HNF4G: variants seen among roughly 807,000 people sequenced by gnomAD.
The protein encoded by HNF4G is hepatocyte nuclear factor 4 gamma.
Under a neutral mutation model 50.9 loss-of-function variants are expected in HNF4G, and 21 were observed. That is an observed-to-expected ratio of 0.41 (90% CI 0.29 to 0.59). The LOEUF is 0.59. Among genes scored for constraint, HNF4G ranks in the 20% least tolerant of loss-of-function variants. The pLI, the probability that HNF4G is intolerant of heterozygous loss-of-function variation, is 0.26. For synonymous variants in HNF4G, 198 were observed against 185.6 expected (o/e 1.07, Z -0.54); for missense variants, 527 against 559.4 (o/e 0.94, Z 0.58).
intron 1 of HNF4G, among the ~76,000 whole-genome samples, chr8:75,429,487 TG>T (rs1810958372): frequency 1.3e-5 from 2 of 152,204 alleles, no homozygotes; most frequent in Admixed American, 6.5e-5. Flanking sequence ...TAGGAATCTC[TG>T]GATTTCTTTC....
At chr8:75,516,597 T>C (rs1805894382) in intron 2 of HNF4G, among the ~76,000 whole-genome samples, 1 of 152,182 alleles carries the variant, frequency 6.6e-6, no homozygotes, top group African/African-American at 2.4e-5. Context: ...TTGATTGTGT[T>C]GGTCATCTAC....
intron 2 of HNF4G, among the ~76,000 whole-genome samples, chr8:75,526,529 TTTCTTC>T (rs377394041): frequency 6.6e-6 from 1 of 151,568 alleles, no homozygotes; most frequent in Non-Finnish European, 1.5e-5. Flanking sequence ...TCCTTTCTCC[TTTCTTC>T]TTCTTCTTCT....
intron 2 of HNF4G, among the ~76,000 whole-genome samples, chr8:75,514,630 T>A (rs909115130): frequency 3.7e-4 from 56 of 152,044 alleles, no homozygotes; most frequent in African/African-American, 1.2e-3. Context: ...AGATTACAGG[T>A]GTGAGCCACT....
intron 1 of HNF4G, among the ~76,000 whole-genome samples, chr8:75,424,064 G>A (rs12676458): frequency 1.3e-4 from 19 of 151,504 alleles, no homozygotes; most frequent in South Asian, 8.3e-4. Context: ...CTCGTGATCC[G>A]CCTGCCTCGG....
chr8:75,492,513 A>G (rs1812655746), intron 2 of HNF4G, among the ~76,000 whole-genome samples: 1 of 152,210 alleles, frequency 6.6e-6, no homozygotes, highest in African/African-American at 2.4e-5. Flanking sequence ...CACATTTCAC[A>G]TATGTGTCCC....
intron 1 of HNF4G, among the ~76,000 whole-genome samples, chr8:75,424,056 C>G (rs1030003832): frequency 6.6e-6 from 1 of 151,632 alleles, no homozygotes; most frequent in East Asian, 2.0e-4. Flanking sequence ...CTCTTGACCT[C>G]GTGATCCGCC....
chr8:75,439,720 A>G (rs1296106458), intron 1 of HNF4G, among the ~76,000 whole-genome samples: 2 of 152,014 alleles, frequency 1.3e-5, no homozygotes, highest in Non-Finnish European at 2.9e-5. Flanking sequence ...AACTTCAAAC[A>G]TTCTCTACTG....
At chr8:75,429,728 T>G (rs1169232398) in intron 1 of HNF4G, among the ~76,000 whole-genome samples, 2 of 152,084 alleles carry the variant, frequency 1.3e-5, no homozygotes, top group Non-Finnish European at 2.9e-5. Context: ...GGTCCAAAAG[T>G]CTGAGTTGAA....
rs1452650375 is a variant in HNF4G, at chr8:75,560,448, G to C, written c.1228G>C (p.Val410Leu). The C allele has an allele frequency of 6.2e-7, 1 of 1,612,850 alleles. No homozygotes were observed. Among genetic ancestry groups the C allele is most frequent in the Non-Finnish European group, 8.5e-7 (1 of 1,179,304 alleles). The change falls in exon 9 of 10, where the codon GTT (valine) becomes CTT (leucine). Residue 410 changes from valine (V) to leucine (L), a missense_variant. By Grantham distance (32) the Val-to-Leu change is conservative (BLOSUM62 1). Coordinates refer to ENST00000396423, the MANE Select transcript of HNF4G (RefSeq NM_004133.5). Reference sequence around the variant, plus strand: ...ACTTTTAGGTCCCATGTCAACACTGGTTCATGCAGACCAGATCTGTAAGTT... The same window carrying C: ...ACTTTTAGGTCCCATGTCAACACTGCTTCATGCAGACCAGATCTGTAAGTT... ...TILLGPMSTL[V>L]HADQISTPET...
intron 2 of HNF4G, among the ~76,000 whole-genome samples, chr8:75,494,148 A>T (rs1344457362): frequency 6.6e-6 from 1 of 152,280 alleles, no homozygotes; most frequent in Non-Finnish European, 1.5e-5. Flanking sequence ...GTTGTCTAAA[A>T]CATCAAACCT....
intron 1 of HNF4G, among the ~76,000 whole-genome samples, chr8:75,454,802 C>T (rs536983104): frequency 6.6e-6 from 1 of 152,130 alleles, no homozygotes; most frequent in Non-Finnish European, 1.5e-5. Context: ...TGTGGTATCC[C>T]TGTTGCTTAC....
chr8:75,475,102 C>T (rs1269113313), intron 1 of HNF4G, among the ~76,000 whole-genome samples: 7 of 151,122 alleles, frequency 4.6e-5, no homozygotes, highest in South Asian at 2.1e-4. Flanking sequence ...CTCTGCCTCC[C>T]GGGTTCAAGC....
chr8:75,449,072 T>C (rs2130572195), intron 1 of HNF4G, among the ~76,000 whole-genome samples: 1 of 152,304 alleles, frequency 6.6e-6, no homozygotes, highest in African/African-American at 2.4e-5. Context: ...CAAAAAGTTG[T>C]TTAAATAAAA....
intron 1 of HNF4G, among the ~76,000 whole-genome samples, chr8:75,463,963 G>A (rs370078122): frequency 4.0e-5 from 6 of 151,856 alleles, no homozygotes; most frequent in East Asian, 1.9e-4. Flanking sequence ...TCATAGAGAC[G>A]GGGTTTCTCC....
At chr8:75,491,994 C>T (rs911162961) in intron 2 of HNF4G, among the ~76,000 whole-genome samples, 1 of 152,218 alleles carries the variant, frequency 6.6e-6, no homozygotes, top group African/African-American at 2.4e-5. Context: ...AATATCCTCT[C>T]CAGGCCAGGT....
chr8:75,483,930 T>G (rs1274103097), intron 1 of HNF4G, among the ~76,000 whole-genome samples: 1 of 152,200 alleles, frequency 6.6e-6, no homozygotes, highest in African/African-American at 2.4e-5. Flanking sequence ...CAGTTTGCTA[T>G]ACACATGGAC....
At chr8:75,504,499 T>C (rs1813022732) in intron 2 of HNF4G, among the ~76,000 whole-genome samples, 1 of 136,036 alleles carries the variant, frequency 7.4e-6, no homozygotes, top group Non-Finnish European at 1.5e-5. Flanking sequence ...CTTACAAACA[T>C]ATATACACAT....
intron 2 of HNF4G, among the ~76,000 whole-genome samples, chr8:75,509,973 G>T (rs1276037944): frequency 1.3e-5 from 2 of 151,956 alleles, no homozygotes; most frequent in African/African-American, 4.8e-5. Flanking sequence ...TACTATAAAA[G>T]AGCCTCAGGC....
chr8:75,538,598 A>G (rs1300543580), upstream of HNF4G, among the ~76,000 whole-genome samples: 1 of 152,208 alleles, frequency 6.6e-6, no homozygotes, highest in Non-Finnish European at 1.5e-5. Context: ...TCACGCAAAT[A>G]AAAACCACTT....
Sources: allele counts gnomAD v4.1 joint callset (sites outside exome capture counted in the v4.1 genomes callset), GRCh38; gene constraint gnomAD v4.1.1; transcripts MANE v1.5; gene names NCBI Gene and HGNC (gene_info 2026-07-23, HGNC 2026-07-21).